Variants in HOOK2 observed in about 807,000 individuals in gnomAD.
The protein encoded by HOOK2 is protein Hook homolog 2.
In HOOK2, 108 loss-of-function variants were observed where a neutral mutation model predicts 111.9. The ratio of observed to expected loss-of-function variants is 0.96; its 90% CI spans 0.83 to 1.13. The LOEUF (loss-of-function observed/expected upper bound fraction) is 1.13. HOOK2 is among the 50% of genes most tolerant of loss of function. The pLI is 0.00. For missense variants in HOOK2, 978 were observed against 951.3 expected (o/e 1.03, Z -0.37); for synonymous variants, 405 against 394.3 (o/e 1.03, Z -0.32).
chr19:12,773,226 TGTTTC>T, intron 3 of HOOK2, 182 bp from the exon 4 acceptor site: 8 of 515,866 alleles, frequency 1.6e-5, no homozygotes, highest in South Asian at 2.4e-5. Context: ...TGACCATCTT[TGTTTC>T]TTTTTTTTTT....
rs1968664201 is a variant in HOOK2, at chr19:12,786,986, A to G, written n.42-12761T>C. ...ACTTCCAGACCAGCCTAGGCAACAGAATGAGACCCTGTCTCAATAAAATAT... is the reference window on the plus strand; with the variant it reads ...ACTTCCAGACCAGCCTAGGCAACAGGATGAGACCCTGTCTCAATAAAATAT... On this transcript the variant is annotated intron_variant and non_coding_transcript_variant, in intron 3 of 3. Transcript: ENST00000589765. The surrounding 1 kb of genome is among the most constrained non-coding windows in gnomAD (Gnocchi z 4.3). 1 of 152,134 alleles carries G rather than the reference A, an allele frequency of 6.6e-6. No individual in the cohort carries two copies. Among genetic ancestry groups the G allele is most frequent in the Non-Finnish European group, 1.5e-5 (1 of 68,046 alleles). 9.4% of individuals were successfully genotyped at this position (152,134 alleles called of 1,614,324 possible).
Position 12,790,615 on chromosome 19 carries a change from GTCT to G in HOOK2, n.42-16393_42-16391del, listed in dbSNP as rs1242083123. On this transcript the variant is annotated intron_variant and non_coding_transcript_variant, in intron 3 of 3. Transcript: ENST00000589765. This position sits in a 1 kb window ranked among gnomAD's most constrained non-coding sequence, Gnocchi z 7.2. ...CATGTCAACTGAGTACCCTCTTATTGTCTTCTCTGCTCCGAAGATGTGTCCGGC... is the reference window on the plus strand; with the variant it reads ...CATGTCAACTGAGTACCCTCTTATTGTCTCTGCTCCGAAGATGTGTCCGGC... Among the ~76,000 whole-genome samples the G allele has an allele frequency of 3.9e-5, 6 of 152,250 alleles. No homozygotes were observed. Among genetic ancestry groups the G allele is most frequent in the African/African-American group, 1.2e-4 (5 of 41,540 alleles).
chr19:12,772,320 C>T, intron 6 of HOOK2, 68 bp from the exon 7 acceptor site: 2 of 1,521,266 alleles, frequency 1.3e-6, no homozygotes, highest in Admixed American at 3.3e-5. Flanking sequence ...TATCTACTAT[C>T]CAACCTGAGA....
chr19:12,772,164 GA>G, intron 7 of HOOK2, 25 bp downstream of exon 7: 1 of 1,555,356 alleles, frequency 6.4e-7, no homozygotes, highest in Non-Finnish European at 8.9e-7. Flanking sequence ...CCTGTGCCTG[GA>G]ACACCTTTCC....
chr19:12,773,231 CTTTTTTTTTTT>C (rs373156108), intron 3 of HOOK2, 187 bp from the exon 4 acceptor site: 188 of 254,904 alleles, frequency 7.4e-4, no homozygotes, highest in Middle Eastern at 2.8e-3. Context: ...ATCTTTGTTT[CTTTTTTTTTTT>C]TTTTTTTTTT....
Position 12,773,721 on chromosome 19 carries a change from G to A in HOOK2, c.205-677C>T, listed in dbSNP as rs754923478. Among the ~76,000 whole-genome samples, 5 of 152,100 alleles carry A rather than the reference G, an allele frequency of 3.3e-5. No individual in the cohort carries two copies. The South Asian group carries it at 6.2e-4, about 19-fold the overall frequency. The stretch of plus-strand genomic sequence containing the variant: ...TTATTTCTCTCCATGCAGCCAGGGG[G>A]AGCTTTATAAAGCCCAAGCCAGGTT... On this transcript the variant is annotated intron_variant, in intron 3 of 22. Transcript: ENST00000397668.
rs1482310639 is a variant in HOOK2, at chr19:12,791,135, C to T, written n.42-16910G>A. 1.3e-5 allele frequency among the ~76,000 whole-genome samples: 2 copies of T among 152,200 alleles called. No individual in the cohort carries two copies. Among genetic ancestry groups the T allele is most frequent in the African/African-American group, 2.4e-5 (1 of 41,438 alleles). ...GGGGTTTCTTCGCACATACTGGGAC[C>T]CTCACCCCACTTGCTGCGTACCAGG... On this transcript the variant is annotated intron_variant and non_coding_transcript_variant, in intron 3 of 3. Coordinates refer to the HOOK2 transcript ENST00000589765. The surrounding 1 kb of genome is among the most constrained non-coding windows in gnomAD (Gnocchi z 7.0).
upstream of HOOK2, among the ~76,000 whole-genome samples, chr19:12,781,618 G>A (rs549871000): frequency 6.6e-6 from 1 of 152,138 alleles, no homozygotes; most frequent in Non-Finnish European, 1.5e-5. Context: ...AAGCCATCGC[G>A]CCCGGCCGTC....
At chr19:12,770,722 G>A (rs1968299034) in intron 10 of HOOK2, among the ~76,000 whole-genome samples, 1 of 151,404 alleles carries the variant, frequency 6.6e-6, no homozygotes, top group South Asian at 2.1e-4. Flanking sequence ...GGGCAGTGTG[G>A]GGTCCAGGGG....
chr19:12,775,812 G>A (rs1252167931), upstream of HOOK2, among the ~76,000 whole-genome samples: 1 of 151,938 alleles, frequency 6.6e-6, no homozygotes, highest in Non-Finnish European at 1.5e-5. Context: ...TTTTGAGACG[G>A]AGGTGCTCCA....
In HOOK2 at chr19:12,783,688, A is replaced by C. The variant is rs116926610; in HGVS notation, n.42-9463T>G. On this transcript the variant is annotated intron_variant and non_coding_transcript_variant, in intron 3 of 3. Transcript: ENST00000589765. ...CAGTTTCCCCATCTGAAAATGAGGG[A>C]TCATTATGTCCAGCTTGTTGGGTTG... Among the ~76,000 whole-genome samples the C allele has an allele frequency of 7.3e-3, 1,118 of 152,176 alleles. 7 individuals are homozygous for C. The highest frequency in any genetic ancestry group is 1.0e-2 in the Non-Finnish European group (677 of 68,000).
intron 7 of HOOK2, chr19:12,771,906 GA>G (rs958738609): frequency 4.2e-5 from 16 of 376,780 alleles, no homozygotes; most frequent in Non-Finnish European, 6.2e-5. Flanking sequence ...AAAAGAAAAA[GA>G]AAAGAAAAGA....
At position 12,791,623 on chromosome 19, in the gene HOOK2, C is replaced by T. The variant is rs1229341722; in HGVS notation, n.42-17398G>A. 5.3e-6 allele frequency: 3 copies of T among 563,852 alleles called. No homozygotes were observed. The highest frequency in any genetic ancestry group is 9.0e-6 in the Non-Finnish European group (3 of 332,852). The allele number at this position is 563,852 out of a possible 1,614,324, so 34.9% of individuals were successfully genotyped here. A position where few individuals can be genotyped will look rare whatever the true frequency, so the allele number is the denominator to read the frequency against. ...CTGACAGGGCTTTTGCGCACAGCTGCCGGCTGGCTGCTACCCGCCCGCGCC... is the reference window on the plus strand; with the variant it reads ...CTGACAGGGCTTTTGCGCACAGCTGTCGGCTGGCTGCTACCCGCCCGCGCC... On this transcript the variant is annotated intron_variant and non_coding_transcript_variant, in intron 3 of 3. Coordinates refer to the HOOK2 transcript ENST00000589765. This position sits in a 1 kb window ranked among gnomAD's most constrained non-coding sequence, Gnocchi z 7.0.
chr19:12,774,086 TTCTTTTTC>T (rs1968419266), intron 3 of HOOK2: 1 of 119,312 alleles, frequency 8.4e-6, no homozygotes. Flanking sequence ...CAAAAGTTTT[TTCTTTTTC>T]TTTTTCTTTT....
intron 6 of HOOK2, 72 bp from the exon 7 acceptor site, chr19:12,772,324 C>T: frequency 6.7e-7 from 1 of 1,493,784 alleles, no homozygotes; most frequent in Non-Finnish European, 9.3e-7. Flanking sequence ...TACTATCCAA[C>T]CTGAGAACCT....
At chr19:12,784,599 AAC>A (rs1968638808) in intron 3 of HOOK2, 1 of 152,490 alleles carries the variant, frequency 6.6e-6, no homozygotes, top group Non-Finnish European at 1.5e-5. Flanking sequence ...CATGGAGACA[AAC>A]ACAATAGGCT....
chr19:12,786,386 T>A lies in HOOK2; in HGVS notation n.42-12161A>T. 6.6e-6 allele frequency among the ~76,000 whole-genome samples: 1 copy of A among 152,002 alleles called. No homozygotes were observed. The highest frequency in any genetic ancestry group is 1.9e-4 in the East Asian group (1 of 5,168). ...GGGAGGGGGGTCACCGGGCTATTTA[T>A]AAGAAGGAGAAGTCCCTCGTGCCAA... On this transcript the variant is annotated intron_variant and non_coding_transcript_variant, in intron 3 of 3. Transcript: ENST00000589765. The surrounding 1 kb of genome is among the most constrained non-coding windows in gnomAD (Gnocchi z 4.3).
intron 3 of HOOK2, among the ~76,000 whole-genome samples, chr19:12,788,992 T>C (rs752916504): frequency 1.3e-5 from 2 of 151,816 alleles, no homozygotes; most frequent in African/African-American, 2.4e-5. Flanking sequence ...ACTGCTGGAC[T>C]TCCCCCTGCC....
chr19:12,791,512 C>A lies in HOOK2; in HGVS notation n.42-17287G>T. 2.3e-6 allele frequency: 1 copy of A among 435,930 alleles called. No individual in the cohort carries two copies. The highest frequency in any genetic ancestry group is 4.1e-6 in the Non-Finnish European group (1 of 245,584). The allele number at this position is 435,930 out of a possible 1,614,324, so 27.0% of individuals were successfully genotyped here. On this transcript the variant is annotated intron_variant and non_coding_transcript_variant, in intron 3 of 3. Coordinates refer to the HOOK2 transcript ENST00000589765. The surrounding 1 kb of genome is among the most constrained non-coding windows in gnomAD (Gnocchi z 7.0). The stretch of plus-strand genomic sequence containing the variant: ...GGACCTTGAGAGCGGCCAGGCCAGC[C>A]TCGGAGCCAGCAGGGAGCTGGGAGC...
Sources: allele counts gnomAD v4.1 joint callset (sites outside exome capture counted in the v4.1 genomes callset), GRCh38; gene constraint gnomAD v4.1.1; non-coding constraint Gnocchi (gnomAD v3.1); transcripts MANE v1.5; gene names NCBI Gene and HGNC (gene_info 2026-07-23, HGNC 2026-07-21).